Variants in TSHZ2 observed in about 807,000 individuals in gnomAD.
TSHZ2 encodes teashirt homolog 2.
Under a neutral mutation model 74.4 loss-of-function variants are expected in TSHZ2, and 21 were observed. That is an observed-to-expected ratio of 0.28 (90% CI 0.20 to 0.41). The LOEUF (loss-of-function observed/expected upper bound fraction) is 0.41, where lower values mean the gene tolerates loss of function less well. Ranked by LOEUF, TSHZ2 falls within the 10% of genes least tolerant of loss-of-function variation. TSHZ2 has a pLI of 1.00. For synonymous variants in TSHZ2, 540 were observed against 515.3 expected (o/e 1.05, Z -0.65); for missense variants, 1,244 against 1,293.5 (o/e 0.96, Z 0.59).
At chr20:53,160,745 C>CAAAAAAAAAAAAAAAAAAAAAAA (rs10653039) in intron 1 of TSHZ2, among the ~76,000 whole-genome samples, 5 of 95,826 alleles carry the variant, frequency 5.2e-5, no homozygotes, top group African/African-American at 2.1e-4. Context: ...ACTCTGTCTC[C>CAAAAAAAAAAAAAAAAAAAAAAA]AAAAAAAAAA....
At chr20:53,449,839 C>T (rs192151443) in intron 2 of TSHZ2, among the ~76,000 whole-genome samples, 13 of 152,296 alleles carry the variant, frequency 8.5e-5, no homozygotes, top group African/African-American at 3.1e-4. Context: ...CATTAATCAC[C>T]ACCCCCATGA....
chr20:53,208,420 C>T (rs1989224922), intron 1 of TSHZ2, among the ~76,000 whole-genome samples: 2 of 152,096 alleles, frequency 1.3e-5, no homozygotes, highest in African/African-American at 4.8e-5. Flanking sequence ...TCATTTAATC[C>T]TGGATCAGTT....
chr20:53,318,060 A>G (rs537383439), intron 2 of TSHZ2, among the ~76,000 whole-genome samples: 1 of 152,346 alleles, frequency 6.6e-6, no homozygotes, highest in South Asian at 2.1e-4. Context: ...GTGTTAAACA[A>G]ATGACTAGAT....
chr20:53,212,012 C>T (rs1214421420), intron 1 of TSHZ2, among the ~76,000 whole-genome samples: 2 of 152,146 alleles, frequency 1.3e-5, no homozygotes, highest in African/African-American at 2.4e-5. Flanking sequence ...CCTGCGTTAC[C>T]CAGCCCACTT....
intron 2 of TSHZ2, among the ~76,000 whole-genome samples, chr20:53,390,112 T>C (rs1982197852): frequency 6.6e-6 from 1 of 152,208 alleles, no homozygotes; most frequent in African/African-American, 2.4e-5. Context: ...CTTGCAAATG[T>C]GCGCATTTTC....
At chr20:53,029,787 T>A (rs1199819893) in intron 1 of TSHZ2, among the ~76,000 whole-genome samples, 1 of 152,236 alleles carries the variant, frequency 6.6e-6, no homozygotes, top group Non-Finnish European at 1.5e-5. Context: ...TATGATCACA[T>A]TTTGTGTTTT....
At chr20:53,399,508 G>C (rs947136573) in intron 2 of TSHZ2, 1 of 152,230 alleles carries the variant, frequency 6.6e-6, no homozygotes, top group Non-Finnish European at 1.5e-5. Flanking sequence ...TTAGAGGAAG[G>C]CTTGGTGGGC....
intron 2 of TSHZ2, among the ~76,000 whole-genome samples, chr20:53,366,127 G>C (rs917689009): frequency 3.3e-5 from 5 of 152,192 alleles, no homozygotes; most frequent in African/African-American, 1.2e-4. Flanking sequence ...TGAGTGCCTA[G>C]TCACCTGAAA....
chr20:53,185,690 C>A, intron 1 of TSHZ2: 1 of 1,536,060 alleles, frequency 6.5e-7, no homozygotes, highest in Non-Finnish European at 8.7e-7. Context: ...CAACAGTTTA[C>A]CCACTTGCTG....
intron 1 of TSHZ2, among the ~76,000 whole-genome samples, chr20:53,164,819 G>A (rs1401319224): frequency 6.6e-6 from 1 of 152,136 alleles, no homozygotes; most frequent in Non-Finnish European, 1.5e-5. Context: ...TGTCCCATGG[G>A]TCTGACATTT....
chr20:53,423,678 T>C lies in TSHZ2; in HGVS notation c.*9-63466T>C, dbSNP rs534672680. ...ATGTGCTGGAAACTGTGCTGAGAAC[T>C]TGCACATGTCACCTCATTCCGCCCA... On this transcript the variant is annotated intron_variant, in intron 2 of 2. Transcript: ENST00000371497. 5.3e-5 allele frequency among the ~76,000 whole-genome samples: 8 copies of C among 152,336 alleles called. No individual in the cohort carries two copies. In the East Asian group the frequency reaches 1.5e-3, roughly 29 times the overall value.
At chr20:53,460,370 A>C (rs1006218661) in intron 2 of TSHZ2, among the ~76,000 whole-genome samples, 1 of 151,988 alleles carries the variant, frequency 6.6e-6, no homozygotes, top group Non-Finnish European at 1.5e-5. Context: ...TTCTTCACGT[A>C]GTTCTCCAGC....
intron 1 of TSHZ2, among the ~76,000 whole-genome samples, chr20:52,979,982 C>T (rs1368194683): frequency 6.6e-6 from 1 of 152,150 alleles, no homozygotes; most frequent in Non-Finnish European, 1.5e-5. Context: ...CTCTTTCTAC[C>T]TGTGTCATTT....
At chr20:53,208,371 A>G (rs1204784806) in intron 1 of TSHZ2, among the ~76,000 whole-genome samples, 1 of 152,110 alleles carries the variant, frequency 6.6e-6, no homozygotes, top group African/African-American at 2.4e-5. Context: ...GCTCACAGCT[A>G]CTGTTGCCTG....
rs879491912 is a variant in TSHZ2 at position 53,223,930 on chromosome 20, CA to C, written c.41-29568del. Among the ~76,000 whole-genome samples the C allele has an allele frequency of 4.7e-3, 714 of 150,670 alleles. 2 individuals carry two copies. Among genetic ancestry groups the C allele is most frequent in the Non-Finnish European group, 7.3e-3 (493 of 67,388 alleles). Reference sequence around the variant, plus strand: ...ACACACACACACACACACACACACACACCCCTAAGTTTAGGTAAAACTGGTG... The same window carrying C: ...ACACACACACACACACACACACACACCCCCTAAGTTTAGGTAAAACTGGTG... On this transcript the variant is annotated intron_variant, in intron 1 of 2. Coordinates refer to ENST00000371497, the MANE Select transcript of TSHZ2 (RefSeq NM_173485.6).
At chr20:53,287,040 G>A (rs1352569768) in intron 2 of TSHZ2, among the ~76,000 whole-genome samples, 4 of 152,042 alleles carry the variant, frequency 2.6e-5, no homozygotes, top group African/African-American at 7.2e-5. Context: ...ATGCACAATC[G>A]TAGTGCCTGG....
At chr20:53,484,774 G>T (rs770119755) in intron 2 of TSHZ2, among the ~76,000 whole-genome samples, 6 of 152,102 alleles carry the variant, frequency 3.9e-5, no homozygotes, top group African/African-American at 7.2e-5. Flanking sequence ...CATAATAACT[G>T]GTTGCTAGTA....
intron 1 of TSHZ2, among the ~76,000 whole-genome samples, chr20:53,158,108 G>C (rs540500890): frequency 2.0e-5 from 3 of 152,220 alleles, no homozygotes; most frequent in Non-Finnish European, 4.4e-5. Context: ...CTGTGGGGCC[G>C]TGGAGGGAAC....
intron 1 of TSHZ2, among the ~76,000 whole-genome samples, chr20:53,140,745 C>A (rs2123413613): frequency 6.6e-6 from 1 of 152,246 alleles, no homozygotes; most frequent in Non-Finnish European, 1.5e-5. Flanking sequence ...TCTTACCACT[C>A]CTCAGGCTTC....
Sources: allele counts gnomAD v4.1 joint callset (sites outside exome capture counted in the v4.1 genomes callset), GRCh38; gene constraint gnomAD v4.1.1; transcripts MANE v1.5; gene names NCBI Gene and HGNC (gene_info 2026-07-23, HGNC 2026-07-21).